Variants in ANKRD17 observed in about 807,000 individuals in gnomAD.
The protein encoded by ANKRD17 is ankyrin repeat domain 17, also known as ankyrin repeat domain-containing protein 17.
Under a neutral mutation model 229.7 loss-of-function variants are expected in ANKRD17, and 19 were observed. That is an observed-to-expected ratio of 0.08 (90% CI 0.06 to 0.12). The LOEUF (loss-of-function observed/expected upper bound fraction) is 0.12. Ranked by LOEUF, ANKRD17 falls within the 10% of genes least tolerant of loss-of-function variation. ANKRD17 has a pLI of 1.00. For synonymous variants in ANKRD17, 1,112 were observed against 1,146.1 expected (o/e 0.97, Z 0.60); for missense variants, 2,176 against 3,176.8 (o/e 0.68, Z 7.57).
intron 1 of ANKRD17, among the ~76,000 whole-genome samples, chr4:73,179,688 A>C (rs1193055999): frequency 6.6e-6 from 1 of 151,230 alleles, no homozygotes; most frequent in Non-Finnish European, 1.5e-5. Context: ...AGGATGTGGA[A>C]TTCCTGGGCT....
intron 1 of ANKRD17, among the ~76,000 whole-genome samples, chr4:73,210,849 C>T (rs1396854268): frequency 6.6e-6 from 1 of 151,822 alleles, no homozygotes; most frequent in Non-Finnish European, 1.5e-5. Flanking sequence ...CTATGCAAAT[C>T]TCAAAATTCA....
chr4:73,144,923 G>T, intron 10 of ANKRD17, 91 bp from the exon 11 acceptor site: 1 of 760,272 alleles, frequency 1.3e-6, no homozygotes, highest in Non-Finnish European at 2.0e-6. Flanking sequence ...TAATTGGACT[G>T]ATTTCTGAAT....
rs192635711 is a variant in ANKRD17 at position 73,073,949 on chromosome 4, A to G, written c.*2282T>C. On this transcript the variant is annotated 3_prime_UTR_variant, in exon 34 of 34. Transcript: ENST00000358602. Reference sequence around the variant, plus strand: ...ACATACCACATATTTTCAAAATTAAAAAATAAAAGACCTTCATGGTCTCAA... The same window carrying G: ...ACATACCACATATTTTCAAAATTAAGAAATAAAAGACCTTCATGGTCTCAA... 6.6e-6 allele frequency: 1 copy of G among 152,194 alleles called. No individual in the cohort carries two copies. Among genetic ancestry groups the G allele is most frequent in the Admixed American group, 6.5e-5 (1 of 15,300 alleles). 9.4% of individuals were successfully genotyped at this position (152,194 alleles called of 1,614,324 possible).
chr4:73,247,265 A>G (rs182977291), intron 1 of ANKRD17, among the ~76,000 whole-genome samples: 1 of 152,198 alleles, frequency 6.6e-6, no homozygotes, highest in African/African-American at 2.4e-5. Flanking sequence ...AAGTAAATTA[A>G]CCACATCTAG....
chr4:73,139,582 C>A lies in ANKRD17; in HGVS notation c.3034G>T (p.Val1012Leu). Residue 1012 changes from valine to leucine, a missense_variant, in exon 15 of 34, where the codon GTA becomes TTA. Physicochemically the swap from Val to Leu is conservative, Grantham distance 32 (BLOSUM62 1). Around this residue, in one of 18 missense-constraint regions of ANKRD17, gnomAD observed 230 missense variants for 252.3 expected, o/e 0.91. Transcript: ENST00000358602. ...ILTETQQGLM[V>L]ASPAQTLNDT... is the part of the protein sequence containing the mutation. Reference sequence around the variant, plus strand: ...TTGAGGGTCTGAGCAGGGCTGGCTACCATTAACCCTTGTTGTGTTTCTGTC... The same window carrying A: ...TTGAGGGTCTGAGCAGGGCTGGCTAACATTAACCCTTGTTGTGTTTCTGTC... 6.2e-7 allele frequency: 1 copy of A among 1,614,176 alleles called. No individual in the cohort carries two copies. The highest frequency in any genetic ancestry group is 1.1e-5 in the South Asian group (1 of 91,082).
At position 73,097,254 on chromosome 4, in the gene ANKRD17, A is replaced by G. The variant is rs376842268; in HGVS notation, c.5040T>C (p.Ser1680=). The G allele has an allele frequency of 6.3e-7, 1 of 1,581,968 alleles. No homozygotes were observed. Among genetic ancestry groups the G allele is most frequent in the African/African-American group, 1.4e-5 (1 of 72,928 alleles). Reference sequence around the variant, plus strand: ...TAGATAGAGAATTACTGGTCCCTTCACTGATAGTTTCTGACAATCTTTAAC... The same window carrying G: ...TAGATAGAGAATTACTGGTCCCTTCGCTGATAGTTTCTGACAATCTTTAAC... ...KASIKLSETI[S]EGTSNSLSTC... The change falls in exon 27 of 34, where the codon AGT becomes AGC. Residue 1680 remains serine, a synonymous_variant. Transcript: ENST00000358602.
chr4:73,165,854 A>T (rs75798026), intron 2 of ANKRD17, among the ~76,000 whole-genome samples: 1 of 152,076 alleles, frequency 6.6e-6, no homozygotes, highest in East Asian at 1.9e-4. Flanking sequence ...GACAGCCCAT[A>T]AAAAAAATCA....
chr4:73,092,805 C>T (rs765807852), intron 28 of ANKRD17, among the ~76,000 whole-genome samples: 16 of 152,096 alleles, frequency 1.1e-4, no homozygotes, highest in Non-Finnish European at 2.1e-4. Context: ...ATGACTCCGT[C>T]TACTAAAAAT....
intron 1 of ANKRD17, among the ~76,000 whole-genome samples, chr4:73,238,086 A>C (rs1307319955): frequency 6.6e-6 from 1 of 151,622 alleles, no homozygotes; most frequent in East Asian, 1.9e-4. Flanking sequence ...GGATTCTCCT[A>C]AATTAAAAAA....
At chr4:73,159,447 G>A (rs572480742) in intron 3 of ANKRD17, among the ~76,000 whole-genome samples, 5 of 152,264 alleles carry the variant, frequency 3.3e-5, no homozygotes, top group African/African-American at 1.2e-4. Context: ...TTAAGAACTT[G>A]TGGGCGAAGG....
chr4:73,142,459 A>G, intron 12 of ANKRD17, 74 bp from the exon 13 acceptor site: 1 of 1,573,396 alleles, frequency 6.4e-7, no homozygotes, highest in Non-Finnish European at 8.6e-7. Flanking sequence ...TTAGGAAGAT[A>G]AAGCCAACAG....
intron 21 of ANKRD17, among the ~76,000 whole-genome samples, chr4:73,119,593 G>T (rs140067557): frequency 6.6e-6 from 1 of 152,240 alleles, no homozygotes; most frequent in African/African-American, 2.4e-5. Flanking sequence ...ACCATGGTTA[G>T]TAAGAGTTAA....
chr4:73,188,592 C>CA (rs1736614147), intron 1 of ANKRD17, among the ~76,000 whole-genome samples: 1 of 151,172 alleles, frequency 6.6e-6, no homozygotes. Context: ...CTAAAAAAAA[C>CA]AAAAAAGAAA....
At chr4:73,076,323 T>C in intron 33 of ANKRD17, 33 bp from the exon 34 acceptor site, 1 of 1,508,184 alleles carries the variant, frequency 6.6e-7, no homozygotes, top group Non-Finnish European at 8.9e-7. Flanking sequence ...TTACAAAATA[T>C]ATATCTAGCA....
rs778556880 is a variant in ANKRD17, at chr4:73,091,318, CTGA to C, written c.6307_6309del (p.Ser2103del). The C allele has an allele frequency of 6.2e-7, 1 of 1,614,126 alleles. No individual in the cohort carries two copies. Among genetic ancestry groups the C allele is most frequent in the South Asian group, 1.1e-5 (1 of 91,078 alleles). ...GGAGGTTGTTGCTGATTAGAATGAG[CTGA>C]TGAACTCCCAGAAGAACTGCTGCTG... On this transcript the variant is annotated inframe_deletion, in exon 29 of 34. Coordinates refer to ENST00000358602, the MANE Select transcript of ANKRD17 (RefSeq NM_032217.5).
At chr4:73,100,613 T>C (rs1234060035) in intron 25 of ANKRD17, among the ~76,000 whole-genome samples, 1 of 152,068 alleles carries the variant, frequency 6.6e-6, no homozygotes, top group Non-Finnish European at 1.5e-5. Flanking sequence ...AATGTCCTCT[T>C]TCTGGGAGAT....
chr4:73,155,824 C>A, intron 4 of ANKRD17, 46 bp from the exon 5 acceptor site: 2 of 1,596,228 alleles, frequency 1.3e-6, no homozygotes, highest in South Asian at 1.1e-5. Context: ...AAATAATCGT[C>A]AAAAAATTTT....
At chr4:73,126,150 C>T (rs1727440815) in intron 16 of ANKRD17, among the ~76,000 whole-genome samples, 1 of 152,086 alleles carries the variant, frequency 6.6e-6, no homozygotes, top group South Asian at 2.1e-4. Context: ...GGCTAGAATT[C>T]ATGGAGCAGA....
At chr4:73,083,283 CTGAT>C (rs757662198) in intron 30 of ANKRD17, among the ~76,000 whole-genome samples, 1 of 152,160 alleles carries the variant, frequency 6.6e-6, no homozygotes, top group Non-Finnish European at 1.5e-5. Flanking sequence ...TGAATATGGA[CTGAT>C]TAATTCTTAC....
Sources: allele counts gnomAD v4.1 joint callset (sites outside exome capture counted in the v4.1 genomes callset), GRCh38; gene constraint gnomAD v4.1.1; regional missense constraint gnomAD v4.1.1; transcripts MANE v1.5; gene names NCBI Gene and HGNC (gene_info 2026-07-23, HGNC 2026-07-21).